RNF135: variants seen among roughly 807,000 people sequenced by gnomAD.
RNF135 encodes ring finger protein 135.
In RNF135, 46 loss-of-function variants were observed where a neutral mutation model predicts 41.9. That is an observed-to-expected ratio of 1.10 (90% CI 0.87 to 1.40). RNF135 has a LOEUF of 1.40. Among genes scored for constraint, RNF135 ranks in the 40% most tolerant of loss-of-function variants. The pLI is 0.00. For missense variants in RNF135, 539 were observed against 549.8 expected (o/e 0.98, Z 0.20); for synonymous variants, 238 against 223.8 (o/e 1.06, Z -0.57).
upstream of RNF135, among the ~76,000 whole-genome samples, chr17:30,968,225 T>C (rs1441530537): frequency 2.0e-5 from 3 of 149,724 alleles, no homozygotes; most frequent in African/African-American, 2.5e-5. Context: ...GAGGTGGAGG[T>C]TGCAGTGAGA....
chr17:30,998,807 C>G lies in RNF135; in HGVS notation c.915C>G (p.Ser305=). The part of the protein sequence containing the change: ...ERFSTSQVLC[S]QALSSGKHYW... ...TTTCTACCAGCCAGGTCTTATGTTCCCAGGCCCTGTCTTCTGGAAAGCATT... is the reference window on the plus strand; with the variant it reads ...TTTCTACCAGCCAGGTCTTATGTTCGCAGGCCCTGTCTTCTGGAAAGCATT... Residue 305 remains serine, a synonymous_variant, in exon 5 of 5, where the codon TCC becomes TCG. Coordinates refer to ENST00000328381, the MANE Select transcript of RNF135 (RefSeq NM_032322.4). 1 of 1,613,568 alleles carries G rather than the reference C, an allele frequency of 6.2e-7. No individual in the cohort carries two copies. Among genetic ancestry groups the G allele is most frequent in the Non-Finnish European group, 8.5e-7 (1 of 1,179,780 alleles).
chr17:30,960,076 CAT>C, the RNF135 span, among the ~76,000 whole-genome samples: 10 of 149,676 alleles, frequency 6.7e-5, no homozygotes, highest in Non-Finnish European at 8.9e-5. Context: ...CAATGATATA[CAT>C]ATATATATAT....
chr17:30,990,173 A>G lies in RNF135; in HGVS notation c.679+2067A>G, dbSNP rs193173846. Among the ~76,000 whole-genome samples the G allele has an allele frequency of 3.8e-3, 581 of 152,212 alleles. 7 individuals are homozygous for G. The highest frequency in any genetic ancestry group is 0.013 in the African/African-American group (553 of 41,532). On this transcript the variant is annotated intron_variant, in intron 3 of 4. Transcript: ENST00000328381. ...GGTTCCTTAGTGATTTTATTTATAC[A>G]AATTTAAGATCAATTTTTAAATTTT...
chr17:30,985,078 A>G (rs552240086), intron 2 of RNF135, among the ~76,000 whole-genome samples: 2 of 152,208 alleles, frequency 1.3e-5, no homozygotes, highest in Admixed American at 6.5e-5. Flanking sequence ...AGCCTTTGAC[A>G]CTGTGGACCA....
At chr17:30,988,856 G>C (rs1453667871) in intron 3 of RNF135, among the ~76,000 whole-genome samples, 1 of 148,176 alleles carries the variant, frequency 6.7e-6, no homozygotes, top group Non-Finnish European at 1.5e-5. Flanking sequence ...ATCTTGGCCA[G>C]AATTACAGGC....
intron 1 of RNF135, among the ~76,000 whole-genome samples, chr17:30,983,353 A>ATATATATATATTTTTTT (rs1420453160): frequency 7.0e-4 from 25 of 35,716 alleles, no homozygotes; most frequent in Non-Finnish European, 9.1e-4. Context: ...ATATATATAT[A>ATATATATATATTTTTTT]TTTTTTTTTT....
chr17:30,999,094 A>C lies in RNF135; in HGVS notation c.1202A>C (p.Glu401Ala). The change falls in exon 5 of 5, where the codon GAG becomes GCG. Residue 401 changes from glutamate to alanine, a missense_variant. Physicochemically the swap from Glu to Ala is moderately radical, Grantham distance 107. Coordinates refer to ENST00000328381, the MANE Select transcript of RNF135 (RefSeq NM_032322.4). ...SVDNQEKLLYECTISASSPLY... is the reference protein window; with the variant it reads ...SVDNQEKLLYACTISASSPLY... ...GACAATCAGGAGAAGCTTCTGTATG[A>C]GTGTACCATCTCTGCCTCCTCTCCT... is the stretch of plus-strand genomic sequence containing the variant. 1 of 1,614,102 alleles carries C rather than the reference A, an allele frequency of 6.2e-7. No homozygotes were observed. Among genetic ancestry groups the C allele is most frequent in the Non-Finnish European group, 8.5e-7 (1 of 1,180,004 alleles).
At chr17:30,986,661 T>C (rs992927302) in intron 2 of RNF135, among the ~76,000 whole-genome samples, 1 of 152,238 alleles carries the variant, frequency 6.6e-6, no homozygotes, top group Non-Finnish European at 1.5e-5. Flanking sequence ...ACTTTCAGAA[T>C]TGACATTGTC....
At position 30,971,219 on chromosome 17, in the gene RNF135, G is replaced by A. The variant is rs964650781; in HGVS notation, c.146G>A (p.Trp49Ter). 2.6e-6 allele frequency: 4 copies of A among 1,514,088 alleles called. No individual in the cohort carries two copies. The highest frequency in any genetic ancestry group is 2.1e-5 in the Admixed American group (1 of 48,430). The allele number at this position is 1,514,088 out of a possible 1,614,324, so 93.8% of individuals were successfully genotyped here. Residue 49 changes from tryptophan to a stop codon, truncating the protein, a stop_gained, in exon 1 of 5, where the codon TGG becomes TAG. Coordinates refer to ENST00000328381, the MANE Select transcript of RNF135 (RefSeq NM_032322.4). LOFTEE classifies it high-confidence loss of function. The stretch of plus-strand genomic sequence containing the variant: ...TGCCGCCACTGCCTGGAGGCCCTGT[G>A]GGGCGCCCGCGACGCCCGCCGCTGG... ...SFCRHCLEALWGARDARRWAC... is the reference protein window; with the variant it reads ...SFCRHCLEAL
In RNF135 at chr17:30,988,930, T is replaced by C. The variant is rs1252842363; in HGVS notation, c.679+824T>C. Among the ~76,000 whole-genome samples the C allele has an allele frequency of 4.1e-3, 592 of 144,114 alleles. 7 individuals carry two copies. Among genetic ancestry groups the C allele is most frequent in the African/African-American group, 0.014 (556 of 39,490 alleles). The allele number at this position is 144,114 out of a possible 152,430, so 94.5% of individuals were successfully genotyped here. On this transcript the variant is annotated intron_variant, in intron 3 of 4. Coordinates refer to ENST00000328381, the MANE Select transcript of RNF135 (RefSeq NM_032322.4). ...TTTTTTCTTTTCTTTCTTTCTTTTTTTTTTTTTTTTTTTTAAGTAGAGACA... is the reference window on the plus strand; with the variant it reads ...TTTTTTCTTTTCTTTCTTTCTTTTTCTTTTTTTTTTTTTTAAGTAGAGACA...
the RNF135 span, among the ~76,000 whole-genome samples, chr17:30,963,591 G>C: frequency 6.6e-6 from 1 of 151,878 alleles, no homozygotes; most frequent in Non-Finnish European, 1.5e-5. Context: ...AAAAAATTGG[G>C]TGGTTTGCTT....
intron 2 of RNF135, 129 bp downstream of exon 2, chr17:30,984,889 C>G: frequency 9.1e-7 from 1 of 1,097,036 alleles, no homozygotes; most frequent in South Asian, 1.3e-5. Context: ...GTTCTCTTTA[C>G]TACCAGACAT....
At chr17:30,993,765 CCTTTCTTTTT>C in intron 3 of RNF135, 1 of 972,284 alleles carries the variant, frequency 1.0e-6, no homozygotes, top group South Asian at 1.6e-5. Flanking sequence ...AAATTTTTTT[CCTTTCTTTTT>C]CTTTTGTTTA....
chr17:30,987,912 C>T, intron 2 of RNF135, 32 bp from the exon 3 acceptor site: 1 of 1,597,316 alleles, frequency 6.3e-7, no homozygotes, highest in Non-Finnish European at 8.6e-7. Context: ...AGGGGACTTC[C>T]ATTTATTCAG....
At chr17:30,977,885 T>G (rs949837633) in intron 1 of RNF135, among the ~76,000 whole-genome samples, 11 of 152,192 alleles carry the variant, frequency 7.2e-5, no homozygotes, top group African/African-American at 2.2e-4. Context: ...TCTTTTTGAT[T>G]GAAGTATTCC....
At chr17:30,972,395 G>C (rs1378512292) in intron 1 of RNF135, 1 of 152,168 alleles carries the variant, frequency 6.6e-6, no homozygotes, top group Non-Finnish European at 1.5e-5. Flanking sequence ...TTACAGGTGT[G>C]AGCCACCGCG....
chr17:30,962,812 A>G, the RNF135 span, among the ~76,000 whole-genome samples: 1 of 152,188 alleles, frequency 6.6e-6, no homozygotes, highest in African/African-American at 2.4e-5. Flanking sequence ...CACAATAGCC[A>G]TCAACATTTG....
intron 2 of RNF135, among the ~76,000 whole-genome samples, chr17:30,985,234 CTT>C (rs1482542092): frequency 6.6e-6 from 1 of 152,186 alleles, no homozygotes; most frequent in East Asian, 1.9e-4. Context: ...TTGTAGGTCC[CTT>C]TGTTTCCCCT....
rs188395330 is a variant in RNF135 at position 30,997,931 on chromosome 17, A to G, written c.769+600A>G. 1.5e-4 allele frequency among the ~76,000 whole-genome samples: 23 copies of G among 152,370 alleles called. No homozygotes were observed. The East Asian group carries it at 3.5e-3, about 23-fold the overall frequency. ...TAAGTGTTAGCAATTTATTCACTCA[A>G]TAGGAAACCAAATGAAATATACAAA... On this transcript the variant is annotated intron_variant, in intron 4 of 4. Transcript: ENST00000328381.
Sources: gnomAD v4.1 joint callset for allele counts (sites outside exome capture counted in the v4.1 genomes callset) on GRCh38, gnomAD v4.1.1 for gene constraint, MANE v1.5 for transcripts, NCBI Gene and HGNC (gene_info 2026-07-23, HGNC 2026-07-21) for gene names.